LRBA: variants seen among roughly 807,000 people sequenced by gnomAD.
The protein encoded by LRBA is lipopolysaccharide-responsive and beige-like anchor protein.
Under a neutral mutation model 330.0 loss-of-function variants are expected in LRBA, and 176 were observed. That is an observed-to-expected ratio of 0.53 (90% CI 0.47 to 0.60). LRBA has a LOEUF of 0.60. Among genes scored for constraint, LRBA ranks in the 20% least tolerant of loss-of-function variants. The pLI is 0.00. For missense variants in LRBA, 3,259 were observed against 3,444.8 expected (o/e 0.95, Z 1.35); for synonymous variants, 1,230 against 1,193.0 (o/e 1.03, Z -0.64).
chr4:151,008,428 A>G (rs936434799), intron 2 of LRBA, among the ~76,000 whole-genome samples: 6 of 152,058 alleles, frequency 3.9e-5, no homozygotes, highest in Admixed American at 2.0e-4. Context: ...GTCCCTTGCT[A>G]TACTGGGGAC....
intron 4 of LRBA, among the ~76,000 whole-genome samples, chr4:150,925,164 T>TA (rs10718196): frequency 1.5e-3 from 209 of 144,056 alleles, no homozygotes; most frequent in African/African-American, 4.9e-3. Context: ...ACCCTGTCTT[T>TA]AAAAAAAAAA....
chr4:150,998,208 C>T (rs1389188929), intron 2 of LRBA, among the ~76,000 whole-genome samples: 1 of 151,618 alleles, frequency 6.6e-6, no homozygotes, highest in Non-Finnish European at 1.5e-5. Context: ...ACAAAATTAG[C>T]CAGGCTTGGT....
intron 48 of LRBA, among the ~76,000 whole-genome samples, chr4:150,336,479 T>C (rs1012647246): frequency 3.9e-5 from 6 of 151,968 alleles, no homozygotes; most frequent in Non-Finnish European, 7.4e-5. Context: ...CATATCATGA[T>C]GGAATGGAGT....
Position 150,561,321 on chromosome 4 carries a change from T to C in LRBA, c.6330+26727A>G, listed in dbSNP as rs1768308831. 2.0e-5 allele frequency among the ~76,000 whole-genome samples: 3 copies of C among 152,270 alleles called. No homozygotes were observed. The South Asian group carries it at 6.2e-4, about 32-fold the overall frequency. On this transcript the variant is annotated intron_variant, in intron 40 of 56. Transcript: ENST00000651943. ...CAAAGGTATAGTGTGGTATGCAGAA[T>C]GATGCTCCCTCCCAAAGATGTCCAC...
chr4:150,370,267 A>G (rs895913134), intron 47 of LRBA, among the ~76,000 whole-genome samples: 1 of 152,226 alleles, frequency 6.6e-6, no homozygotes, highest in African/African-American at 2.4e-5. Context: ...ACAATTGCCA[A>G]AAGTTGGAAA....
At chr4:150,846,842 G>A (rs62344568) in intron 26 of LRBA, among the ~76,000 whole-genome samples, 18,308 of 152,062 alleles carry the variant, frequency 0.12, 2,310 homozygotes, top group African/African-American at 0.33. Context: ...AGAACAGATG[G>A]TACTGGGGTG....
intron 30 of LRBA, 130 bp from the exon 31 acceptor site, chr4:150,817,387 C>A (rs1391796445): frequency 7.7e-6 from 6 of 784,096 alleles, no homozygotes; most frequent in Non-Finnish European, 1.2e-5. Flanking sequence ...ATTTGATGTA[C>A]AATTTAGACT....
intron 2 of LRBA, among the ~76,000 whole-genome samples, chr4:151,000,067 A>G (rs952290302): frequency 3.3e-5 from 5 of 152,260 alleles, no homozygotes; most frequent in African/African-American, 1.2e-4. Context: ...GTAATAAAAT[A>G]GAACAGTTAG....
chr4:150,576,863 A>T (rs1770606792), intron 40 of LRBA, among the ~76,000 whole-genome samples: 2 of 151,976 alleles, frequency 1.3e-5, no homozygotes, highest in South Asian at 4.1e-4. Flanking sequence ...TTTACCTGAC[A>T]TAAAATTATC....
chr4:150,771,067 C>T (rs1736497947), intron 34 of LRBA, among the ~76,000 whole-genome samples: 1 of 152,146 alleles, frequency 6.6e-6, no homozygotes, highest in African/African-American at 2.4e-5. Flanking sequence ...TCTTAACTTC[C>T]GGTTCAATGG....
rs17027154 is a variant in LRBA, at chr4:150,867,803, A to C, written c.2634T>G (p.Pro878=). 4.3e-3 allele frequency: 6,969 copies of C among 1,613,826 alleles called. 253 individuals carry two copies. In the African/African-American group the frequency reaches 0.081, roughly 19 times the overall value. Residue 878 remains proline, a synonymous_variant, in exon 22 of 57, where the codon CCT becomes CCG. Coordinates refer to ENST00000651943, the MANE Select transcript of LRBA (RefSeq NM_001364905.1). ...TTATCTTTTGCTCATCTGAATTCTT[A>C]GGATTAAAATAGCAGAGAGAAAGCA... ...EWMLSLCYFN[P]KNSDEQKITE...
chr4:150,829,793 T>C (rs1437141971), intron 29 of LRBA, among the ~76,000 whole-genome samples: 1 of 148,530 alleles, frequency 6.7e-6, no homozygotes, highest in Non-Finnish European at 1.5e-5. Context: ...CTATTAAATA[T>C]AACTGCTACC....
At chr4:150,841,698 G>A (rs1245129251) in intron 28 of LRBA, among the ~76,000 whole-genome samples, 5 of 151,632 alleles carry the variant, frequency 3.3e-5, no homozygotes, top group Non-Finnish European at 7.4e-5. Context: ...TGTCGCCCAG[G>A]CTGGACTGCA....
At position 150,958,304 on chromosome 4, in the gene LRBA, A is replaced by G. The variant is rs1011387361; in HGVS notation, c.217-29239T>C. On this transcript the variant is annotated intron_variant, in intron 2 of 56. Coordinates refer to ENST00000651943, the MANE Select transcript of LRBA (RefSeq NM_001364905.1). ...GCCCGACACCACACATAGGCCATCA[A>G]GGCTTAGGGCTTTCACCCTCTGAAG... 2.0e-5 allele frequency among the ~76,000 whole-genome samples: 3 copies of G among 149,190 alleles called. 1 individual carries two copies. The highest frequency in any genetic ancestry group is 7.8e-5 in the African/African-American group (3 of 38,612).
Position 150,302,610 on chromosome 4 carries a change from A to G in LRBA, c.8017+15T>C. 3 of 1,580,250 alleles carry G rather than the reference A, an allele frequency of 1.9e-6. No individual in the cohort carries two copies. The highest frequency in any genetic ancestry group is 1.2e-5 in the South Asian group (1 of 84,224). ...ATCCTTGTAAAAGTTTACTTAAAAA[A>G]TGAGTCATACTTACTGCCTGGGTTA... On this transcript the variant is annotated intron_variant, in intron 53 of 56. Transcript: ENST00000651943.
At chr4:150,849,713 G>A (rs918502081) in intron 24 of LRBA, 138 bp from the exon 25 acceptor site, 5 of 663,450 alleles carry the variant, frequency 7.5e-6, no homozygotes, top group Non-Finnish European at 1.3e-5. Flanking sequence ...CAGGCATTTG[G>A]AGGGTGTATA....
At chr4:150,792,821 C>A (rs1408570597) in intron 34 of LRBA, among the ~76,000 whole-genome samples, 1 of 152,158 alleles carries the variant, frequency 6.6e-6, no homozygotes, top group Non-Finnish European at 1.5e-5. Context: ...TGGCTCAGGC[C>A]TGTAATCCCA....
chr4:150,806,949 T>C (rs1742888353), intron 32 of LRBA, among the ~76,000 whole-genome samples: 1 of 151,920 alleles, frequency 6.6e-6, no homozygotes, highest in South Asian at 2.1e-4. Context: ...TATAGGCACA[T>C]TATAACAAAA....
intron 46 of LRBA, chr4:150,423,200 C>G: frequency 7.2e-7 from 1 of 1,386,456 alleles, no homozygotes; most frequent in Non-Finnish European, 1.0e-6. Context: ...GCTTTCTTGG[C>G]TCTGGAGAAG....
Sources: gnomAD v4.1 joint callset for allele counts (sites outside exome capture counted in the v4.1 genomes callset) on GRCh38, gnomAD v4.1.1 for gene constraint, MANE v1.5 for transcripts, NCBI Gene and HGNC (gene_info 2026-07-23, HGNC 2026-07-21) for gene names.